Variants in ENOX2 observed in about 807,000 individuals in gnomAD.
ENOX2 encodes the protein APK1 antigen.
A neutral mutation model predicts 45.0 loss-of-function variants in ENOX2; 36 were observed. The ratio of observed to expected loss-of-function variants is 0.80; its 90% CI spans 0.61 to 1.06. ENOX2 has a LOEUF of 1.06. ENOX2 is among the 50% of genes least tolerant of loss of function. ENOX2 has a pLI of 0.00. For missense variants in ENOX2, 423 were observed against 462.5 expected (o/e 0.91, Z 0.78); for synonymous variants, 174 against 152.3 (o/e 1.14, Z -1.05).
At chrX:130,680,634 G>A (rs2037276297) in intron 5 of ENOX2, among the ~76,000 whole-genome samples, 1 of 112,269 alleles carries the variant, frequency 8.9e-6, no homozygotes, top group African/African-American at 3.2e-5. Context: ...ACAGTTTGTA[G>A]CCCAACAAAA....
chrX:130,699,186 AACTTTATTGAACCACAGCTGTAC>A (rs1221198015), intron 4 of ENOX2, among the ~76,000 whole-genome samples: 5 of 112,257 alleles, frequency 4.5e-5, no homozygotes, highest in Non-Finnish European at 7.5e-5. Context: ...ATTATGGATT[AACTTTATTGAACCACAGCTGTAC>A]AAAACACCAT....
chrX:130,689,852 C>T (rs866545106), intron 4 of ENOX2, among the ~76,000 whole-genome samples: 1 of 111,431 alleles, frequency 9.0e-6, no homozygotes. Flanking sequence ...TTTGTGGGGC[C>T]TATCTACGTA....
chrX:130,627,232 A>T (rs1288420552), intron 14 of ENOX2, among the ~76,000 whole-genome samples: 1 of 111,141 alleles, frequency 9.0e-6, no homozygotes, highest in Non-Finnish European at 1.9e-5. Flanking sequence ...GGTGGATGGA[A>T]TAAGACTTCC....
chrX:130,785,687 A>G lies in ENOX2; in HGVS notation c.-182-1997T>C, dbSNP rs764241823. On this transcript the variant is annotated intron_variant, in intron 2 of 14. Coordinates refer to ENST00000394363, the MANE Select transcript of ENOX2 (RefSeq NM_006375.4). ...AAAAAGAAGACTAGATGTTTATTCC[A>G]TTTACAAATGAAGATTGTTCTCGTA... is the stretch of plus-strand genomic sequence containing the variant. 3.5e-5 allele frequency among the ~76,000 whole-genome samples: 4 copies of G among 112,714 alleles called. No homozygotes were observed. In the East Asian group the frequency reaches 8.4e-4, roughly 24 times the overall value.
intron 2 of ENOX2, among the ~76,000 whole-genome samples, chrX:130,883,093 T>C (rs2078846985): frequency 9.0e-6 from 1 of 111,622 alleles, no homozygotes; most frequent in Non-Finnish European, 1.9e-5. Context: ...TAAATGTTAG[T>C]TTGTTTTTTG....
At chrX:130,851,289 C>G (rs1305682172) in intron 2 of ENOX2, among the ~76,000 whole-genome samples, 1 of 111,039 alleles carries the variant, frequency 9.0e-6, no homozygotes, top group African/African-American at 3.3e-5. Context: ...TTTGAATATG[C>G]CTTATAAATG....
At chrX:130,681,392 GTTTT>G (rs1309941090) in intron 5 of ENOX2, among the ~76,000 whole-genome samples, 1 of 109,344 alleles carries the variant, frequency 9.1e-6, no homozygotes, top group Non-Finnish European at 1.9e-5. Context: ...CTGTGCATTC[GTTTT>G]TTTTTGTTTT....
chrX:130,633,517 C>T (rs752071470), intron 12 of ENOX2, among the ~76,000 whole-genome samples: 2 of 112,816 alleles, frequency 1.8e-5, no homozygotes, highest in South Asian at 7.3e-4. Context: ...TTTCCCCTGT[C>T]CTCATCAGCC....
intron 6 of ENOX2, among the ~76,000 whole-genome samples, chrX:130,671,205 G>C (rs2036981158): frequency 8.9e-6 from 1 of 111,743 alleles, no homozygotes; most frequent in Non-Finnish European, 1.9e-5. Context: ...TTTGCTTCTG[G>C]CTAAGATAGA....
At chrX:130,826,557 G>A (rs1392302864) in intron 2 of ENOX2, among the ~76,000 whole-genome samples, 1 of 111,676 alleles carries the variant, frequency 9.0e-6, no homozygotes, top group Non-Finnish European at 1.9e-5. Flanking sequence ...TGCTGTGCTT[G>A]GCTTGGGTCC....
chrX:130,855,121 A>T (rs1360854087), intron 2 of ENOX2, among the ~76,000 whole-genome samples: 1 of 111,458 alleles, frequency 9.0e-6, no homozygotes, highest in Non-Finnish European at 1.9e-5. Flanking sequence ...AATAAAGTTC[A>T]CTCTATTTGC....
At chrX:130,697,837 C>T (rs889182274) in intron 4 of ENOX2, among the ~76,000 whole-genome samples, 2 of 112,184 alleles carry the variant, frequency 1.8e-5, no homozygotes, top group Non-Finnish European at 3.8e-5. Flanking sequence ...AGCTAGTTAA[C>T]GTCATGAAAT....
Position 130,766,727 on chromosome X carries a change from C to T in ENOX2, c.-39+16820G>A, listed in dbSNP as rs185418127. 3.9e-3 allele frequency among the ~76,000 whole-genome samples: 431 copies of T among 111,791 alleles called. 2 individuals carry two copies. The highest frequency in any genetic ancestry group is 0.013 in the African/African-American group (415 of 30,867). On this transcript the variant is annotated intron_variant, in intron 3 of 14. Transcript: ENST00000394363. ...CTGATCTGACATGCTACCTCTGTCA[C>T]ACATCAGACCTCCATATGCACATGG...
At position 130,898,701 on chromosome X, in the gene ENOX2, C is replaced by T. The variant is rs139867380; in HGVS notation, c.-183+2983G>A. The stretch of plus-strand genomic sequence containing the variant: ...GTACCACAATTGATTTCATTCAAAT[C>T]CCTAGTATTGTACATTTAAGATGTT... On this transcript the variant is annotated intron_variant, in intron 2 of 14. Coordinates refer to ENST00000394363, the MANE Select transcript of ENOX2 (RefSeq NM_006375.4). 9.4e-3 allele frequency among the ~76,000 whole-genome samples: 1,033 copies of T among 109,816 alleles called. 12 individuals are homozygous for T. The highest frequency in any genetic ancestry group is 0.032 in the African/African-American group (962 of 30,242).
intron 2 of ENOX2, among the ~76,000 whole-genome samples, chrX:130,838,775 G>C (rs1266326681): frequency 1.8e-5 from 2 of 112,018 alleles, no homozygotes; most frequent in Non-Finnish European, 3.8e-5. Context: ...ATGTGGTCAA[G>C]GTAGGGGTCA....
intron 2 of ENOX2, among the ~76,000 whole-genome samples, chrX:130,851,638 T>C (rs148244390): frequency 0.018 from 2,017 of 111,296 alleles, 65 homozygotes; most frequent in African/African-American, 0.063. Flanking sequence ...TACAATGACA[T>C]CTTAGGGAAA....
intron 2 of ENOX2, among the ~76,000 whole-genome samples, chrX:130,804,531 C>T (rs2077268899): frequency 8.9e-6 from 1 of 111,740 alleles, no homozygotes; most frequent in South Asian, 3.7e-4. Flanking sequence ...AATGCAGATA[C>T]CAGCCTTCAG....
chrX:130,816,314 T>C (rs1325419610), intron 2 of ENOX2, among the ~76,000 whole-genome samples: 4 of 110,831 alleles, frequency 3.6e-5, no homozygotes, highest in African/African-American at 1.3e-4. Flanking sequence ...CACACAATAA[T>C]AGTGGGAGAT....
chrX:130,831,946 T>C (rs183705411), intron 2 of ENOX2, among the ~76,000 whole-genome samples: 2 of 111,273 alleles, frequency 1.8e-5, no homozygotes, highest in East Asian at 5.7e-4. Flanking sequence ...ATAAGGATAC[T>C]CTAAGTAGGG....
Sources: allele counts gnomAD v4.1 joint callset (sites outside exome capture counted in the v4.1 genomes callset), GRCh38; gene constraint gnomAD v4.1.1; transcripts MANE v1.5; gene names NCBI Gene and HGNC (gene_info 2026-07-23, HGNC 2026-07-21).